Variants in BMAL1 observed in about 807,000 individuals in gnomAD.
BMAL1 encodes basic helix-loop-helix ARNT like 1.
the BMAL1 span, among the ~76,000 whole-genome samples, chr11:13,363,722 C>G: frequency 1.3e-5 from 2 of 152,228 alleles, no homozygotes; most frequent in South Asian, 2.1e-4. Context: ...GTTTTGAAAA[C>G]TAGGCAGACC....
At chr11:13,291,732 G>A in the BMAL1 span, among the ~76,000 whole-genome samples, 10 of 151,582 alleles carry the variant, frequency 6.6e-5, no homozygotes, top group African/African-American at 2.2e-4. Context: ...ACTTCTTTGT[G>A]GTATACACTG....
chr11:13,376,202 T>C, the BMAL1 span, among the ~76,000 whole-genome samples: 1 of 152,178 alleles, frequency 6.6e-6, no homozygotes, highest in East Asian at 1.9e-4. Context: ...GAATGCCATC[T>C]CAAAAGGCTG....
chr11:13,367,289 A>T, the BMAL1 span, among the ~76,000 whole-genome samples: 1 of 152,180 alleles, frequency 6.6e-6, no homozygotes, highest in Admixed American at 6.5e-5. Context: ...CACCATCCAC[A>T]TCGCTCCCTC....
chr11:13,347,335 C>T, the BMAL1 span, among the ~76,000 whole-genome samples: 3 of 152,036 alleles, frequency 2.0e-5, no homozygotes, highest in Non-Finnish European at 4.4e-5. Flanking sequence ...GAGCTATGAT[C>T]ACACCACTGC....
the BMAL1 span, among the ~76,000 whole-genome samples, chr11:13,323,726 C>T: frequency 8.5e-5 from 13 of 152,158 alleles, no homozygotes; most frequent in Non-Finnish European, 1.2e-4. Context: ...GAGAAATTCT[C>T]GTGCCTCAGC....
At chr11:13,307,540 A>G in the BMAL1 span, among the ~76,000 whole-genome samples, 1 of 152,186 alleles carries the variant, frequency 6.6e-6, no homozygotes, top group Admixed American at 6.5e-5. Context: ...CTTATGGAGG[A>G]TTCCCCACTG....
the BMAL1 span, chr11:13,379,581 T>G: frequency 6.6e-6 from 1 of 152,366 alleles, no homozygotes; most frequent in African/African-American, 2.4e-5. Context: ...AAACAGTCCT[T>G]GACCTCAAGA....
At chr11:13,292,495 C>T in the BMAL1 span, among the ~76,000 whole-genome samples, 4 of 150,920 alleles carry the variant, frequency 2.7e-5, no homozygotes, top group African/African-American at 9.8e-5. Context: ...TGCAGTGAGC[C>T]GAGATCGCGC....
the BMAL1 span, among the ~76,000 whole-genome samples, chr11:13,297,971 G>T: frequency 1.3e-5 from 2 of 152,174 alleles, no homozygotes; most frequent in African/African-American, 2.4e-5. Context: ...TCAGATCAGG[G>T]CAGGCCTCTG....
the BMAL1 span, among the ~76,000 whole-genome samples, chr11:13,341,835 G>A: frequency 1.3e-5 from 2 of 152,260 alleles, no homozygotes; most frequent in African/African-American, 4.8e-5. Context: ...CCTTGAGCAT[G>A]ACTCATTGAT....
the BMAL1 span, among the ~76,000 whole-genome samples, chr11:13,287,754 T>G: frequency 6.6e-6 from 1 of 152,354 alleles, no homozygotes; most frequent in East Asian, 1.9e-4. Context: ...TCATCTTCTG[T>G]TATCTTTAAT....
At chr11:13,310,309 T>C in the BMAL1 span, among the ~76,000 whole-genome samples, 10 of 151,800 alleles carry the variant, frequency 6.6e-5, no homozygotes, top group Non-Finnish European at 5.9e-5. Flanking sequence ...CAGCGGGCCT[T>C]ATGGAGAGGT....
At chr11:13,288,775 GAATT>G in the BMAL1 span, among the ~76,000 whole-genome samples, 1 of 152,146 alleles carries the variant, frequency 6.6e-6, no homozygotes, top group East Asian at 1.9e-4. Context: ...CCAGAACTGA[GAATT>G]AATTGTCAAT....
the BMAL1 span, among the ~76,000 whole-genome samples, chr11:13,360,996 T>TG: frequency 6.6e-6 from 1 of 152,120 alleles, no homozygotes. Flanking sequence ...GATGCCTTCT[T>TG]GGGAGGCTGA....
chr11:13,332,869 G>A, the BMAL1 span, among the ~76,000 whole-genome samples: 2 of 152,076 alleles, frequency 1.3e-5, no homozygotes, highest in Non-Finnish European at 2.9e-5. Flanking sequence ...AATGACCCCA[G>A]GCTTCCTGTC....
At chr11:13,364,686 C>G in the BMAL1 span, among the ~76,000 whole-genome samples, 1 of 152,170 alleles carries the variant, frequency 6.6e-6, no homozygotes, top group African/African-American at 2.4e-5. Context: ...CTCTCAGGCA[C>G]TATAGCTTGG....
chr11:13,361,393 G>C, the BMAL1 span, among the ~76,000 whole-genome samples: 3 of 151,786 alleles, frequency 2.0e-5, no homozygotes, highest in Non-Finnish European at 4.4e-5. Flanking sequence ...ATAGAAAAAC[G>C]TAACTAAAAG....
the BMAL1 span, among the ~76,000 whole-genome samples, chr11:13,331,201 A>G: frequency 6.6e-6 from 1 of 152,242 alleles, no homozygotes; most frequent in Non-Finnish European, 1.5e-5. Flanking sequence ...CAGCCCATGC[A>G]TAAGCAGACC....
At chr11:13,344,273 T>G in the BMAL1 span, among the ~76,000 whole-genome samples, 1 of 152,100 alleles carries the variant, frequency 6.6e-6, no homozygotes, top group Non-Finnish European at 1.5e-5. Context: ...TTACCTATGC[T>G]CCACTAATAC....
Sources: allele counts gnomAD v4.1 joint callset (sites outside exome capture counted in the v4.1 genomes callset), GRCh38; gene constraint gnomAD v4.1.1; transcripts MANE v1.5; gene names NCBI Gene and HGNC (gene_info 2026-07-23, HGNC 2026-07-21).